Variants in MCTP2 observed in about 807,000 individuals in gnomAD.
MCTP2 encodes the protein multiple C2 and transmembrane domain containing 2.
A neutral mutation model predicts 111.6 loss-of-function variants in MCTP2; 132 were observed. The ratio of observed to expected loss-of-function variants is 1.18; its 90% CI spans 1.03 to 1.37. The LOEUF is 1.37. Ranked by LOEUF, MCTP2 falls within the 40% of genes most tolerant of loss-of-function variation. The pLI, the probability that MCTP2 is intolerant of heterozygous loss-of-function variation, is 0.00. For synonymous variants in MCTP2, 395 were observed against 387.7 expected (o/e 1.02, Z -0.22); for missense variants, 1,183 against 1,067.9 (o/e 1.11, Z -1.50).
chr15:94,439,370 T>A (rs2083651555), intron 17 of MCTP2, among the ~76,000 whole-genome samples: 1 of 152,192 alleles, frequency 6.6e-6, no homozygotes, highest in Non-Finnish European at 1.5e-5. Context: ...CAAATTACCT[T>A]ATTTCGTCTT....
chr15:94,321,926 T>G (rs1189443966), intron 4 of MCTP2, among the ~76,000 whole-genome samples: 1 of 152,158 alleles, frequency 6.6e-6, no homozygotes, highest in Non-Finnish European at 1.5e-5. Context: ...GAAAGTAGAT[T>G]TATTATTCGT....
chr15:94,304,012 A>AGTCGGCATGCT (rs1232310906), intron 2 of MCTP2, among the ~76,000 whole-genome samples: 3 of 152,232 alleles, frequency 2.0e-5, no homozygotes, highest in Admixed American at 1.3e-4. Context: ...TTCTTGAGAA[A>AGTCGGCATGCT]GTCGGCATGC....
intron 1 of MCTP2, among the ~76,000 whole-genome samples, chr15:94,259,830 T>C (rs772085990): frequency 6.6e-6 from 1 of 152,210 alleles, no homozygotes; most frequent in Non-Finnish European, 1.5e-5. Context: ...GTCTCTACTG[T>C]AGGGAAGAGT....
Position 94,286,287 on chromosome 15 carries a change from A to G in MCTP2, c.-65-11914A>G, listed in dbSNP as rs967850037. Among the ~76,000 whole-genome samples the G allele has an allele frequency of 2.0e-5, 3 of 152,316 alleles. No homozygotes were observed. The South Asian group carries it at 6.2e-4, about 32-fold the overall frequency. On this transcript the variant is annotated intron_variant, in intron 1 of 22. Transcript: ENST00000357742. Reference sequence around the variant, plus strand: ...TGTCTATATAATTACATTTGCCTTTATCTTTATCATAAGGTAGGCATACAC... The same window carrying G: ...TGTCTATATAATTACATTTGCCTTTGTCTTTATCATAAGGTAGGCATACAC...
chr15:94,375,050 C>A (rs1373837733), intron 12 of MCTP2, among the ~76,000 whole-genome samples: 4 of 152,194 alleles, frequency 2.6e-5, no homozygotes, highest in Non-Finnish European at 5.9e-5. Context: ...GTTCTGCAGG[C>A]CGTACAAGAA....
intron 8 of MCTP2, among the ~76,000 whole-genome samples, chr15:94,355,527 A>G (rs1426299308): frequency 6.6e-6 from 1 of 152,204 alleles, no homozygotes; most frequent in African/African-American, 2.4e-5. Flanking sequence ...CCTGGGTCCC[A>G]GGTGCAGTGA....
intron 1 of MCTP2, among the ~76,000 whole-genome samples, chr15:94,271,487 C>T (rs1001120910): frequency 6.6e-6 from 1 of 152,088 alleles, no homozygotes; most frequent in African/African-American, 2.4e-5. Flanking sequence ...GTGAGTTTTC[C>T]TGTCTGCTTG....
intron 1 of MCTP2, among the ~76,000 whole-genome samples, chr15:94,257,942 C>T (rs781002241): frequency 4.6e-5 from 7 of 150,690 alleles, no homozygotes; most frequent in African/African-American, 1.5e-4. Context: ...TGCAGTGGTG[C>T]GATCTTCTCA....
intron 4 of MCTP2, 141 bp from the exon 5 acceptor site, chr15:94,339,149 C>T: frequency 1.8e-6 from 1 of 544,602 alleles, no homozygotes; most frequent in South Asian, 3.9e-5. Context: ...TCATATCTCC[C>T]TGTCTTCCAT....
chr15:94,413,070 G>A (rs2082223554), intron 17 of MCTP2, among the ~76,000 whole-genome samples: 1 of 152,070 alleles, frequency 6.6e-6, no homozygotes, highest in South Asian at 2.1e-4. Flanking sequence ...TAAGAGGAGG[G>A]AGAGAAAAAA....
At chr15:94,235,788 T>C (rs1447620113) in intron 1 of MCTP2, among the ~76,000 whole-genome samples, 1 of 152,234 alleles carries the variant, frequency 6.6e-6, no homozygotes, top group Non-Finnish European at 1.5e-5. Flanking sequence ...AAGCACAGGC[T>C]GTCTGGTTTT....
chr15:94,287,950 A>G (rs932872500), intron 1 of MCTP2, among the ~76,000 whole-genome samples: 1 of 152,162 alleles, frequency 6.6e-6, no homozygotes, highest in Non-Finnish European at 1.5e-5. Flanking sequence ...GAAATCCCCT[A>G]CCTTGTGTGC....
At chr15:94,461,022 G>T (rs963878418) in intron 20 of MCTP2, among the ~76,000 whole-genome samples, 16 of 145,360 alleles carry the variant, frequency 1.1e-4, no homozygotes, top group African/African-American at 2.2e-4. Context: ...GATACTGATG[G>T]GTTGGGGGGG....
intron 12 of MCTP2, among the ~76,000 whole-genome samples, chr15:94,377,594 C>T (rs540612681): frequency 3.3e-5 from 5 of 152,052 alleles, no homozygotes; most frequent in South Asian, 2.1e-4. Context: ...TTCTTAGTAA[C>T]GTTTAAATTT....
intron 1 of MCTP2, among the ~76,000 whole-genome samples, chr15:94,236,882 G>A: frequency 6.6e-6 from 1 of 152,172 alleles, no homozygotes; most frequent in East Asian, 1.9e-4. Context: ...AGGCCTTAGG[G>A]AAGTGGAGGT....
At chr15:94,244,996 A>G (rs1237520590) in intron 1 of MCTP2, among the ~76,000 whole-genome samples, 1 of 149,514 alleles carries the variant, frequency 6.7e-6, no homozygotes, top group African/African-American at 2.4e-5. Flanking sequence ...ACCTGTTTAT[A>G]TACGTATATG....
chr15:94,340,330 A>G, intron 6 of MCTP2, 55 bp downstream of exon 6: 4 of 1,244,780 alleles, frequency 3.2e-6, no homozygotes, highest in Non-Finnish European at 3.5e-6. Flanking sequence ...GGAACTTACG[A>G]TAATGTTAAA....
chr15:94,437,062 G>A (rs1319355186), intron 17 of MCTP2, among the ~76,000 whole-genome samples: 2 of 146,936 alleles, frequency 1.4e-5, no homozygotes, highest in African/African-American at 5.0e-5. Context: ...ATAAAGGAAA[G>A]TTGATGGAGC....
chr15:94,256,184 T>C (rs182936593), intron 1 of MCTP2, among the ~76,000 whole-genome samples: 1 of 152,192 alleles, frequency 6.6e-6, no homozygotes, highest in Non-Finnish European at 1.5e-5. Context: ...AGCCGAAACT[T>C]TGTTTCATGT....
Sources: allele counts gnomAD v4.1 joint callset (sites outside exome capture counted in the v4.1 genomes callset), GRCh38; gene constraint gnomAD v4.1.1; transcripts MANE v1.5; gene names NCBI Gene and HGNC (gene_info 2026-07-23, HGNC 2026-07-21).